The following FARP2 variants were observed in gnomAD, a reference collection of about 807,000 sequenced individuals.
FARP2 encodes the protein FERM, ARH/RhoGEF and pleckstrin domain protein 2.
A neutral mutation model predicts 130.5 loss-of-function variants in FARP2; 111 were observed. The ratio of observed to expected loss-of-function variants is 0.85; its 90% CI spans 0.73 to 1.00. The LOEUF (loss-of-function observed/expected upper bound fraction) is 1.00, where lower values mean the gene tolerates loss of function less well. Ranked by LOEUF, FARP2 falls within the 50% of genes least tolerant of loss-of-function variation. FARP2 has a pLI of 0.00. For synonymous variants in FARP2, 504 were observed against 516.9 expected (o/e 0.98, Z 0.34); for missense variants, 1,385 against 1,346.3 (o/e 1.03, Z -0.45).
chr2:241,429,693 G>A (rs2063043673), intron 8 of FARP2, among the ~76,000 whole-genome samples: 1 of 151,338 alleles, frequency 6.6e-6, no homozygotes, highest in African/African-American at 2.4e-5. Context: ...AGACCAGCCT[G>A]GGCAACATAG....
rs1159861406 is a variant in FARP2, at chr2:241,482,682, T to G, written c.2263-783T>G. Among the ~76,000 whole-genome samples the G allele has an allele frequency of 6.6e-6, 1 of 152,120 alleles. No homozygotes were observed. The highest frequency in any genetic ancestry group is 6.5e-5 in the Admixed American group (1 of 15,276). ...TGTGTAGTGTGCTCCTCCTTCTGCC[T>G]TCACGCAGTATGTTGGGACTGCTCA... On this transcript the variant is annotated intron_variant, in intron 19 of 26. Transcript: ENST00000264042. This position sits in a 1 kb window ranked among gnomAD's most constrained non-coding sequence, Gnocchi z 4.6.
intron 7 of FARP2, among the ~76,000 whole-genome samples, chr2:241,414,685 G>A (rs574558680): frequency 1.3e-5 from 2 of 152,290 alleles, no homozygotes; most frequent in African/African-American, 2.4e-5. Context: ...AGTGCCTTTT[G>A]TGTGCCCGAC....
intron 24 of FARP2, among the ~76,000 whole-genome samples, chr2:241,492,007 C>T (rs906357015): frequency 5.3e-5 from 8 of 152,212 alleles, no homozygotes; most frequent in Admixed American, 2.0e-4. Context: ...GCCTCCAAAA[C>T]CCTTCACCTC....
Position 241,484,230 on chromosome 2 carries a change from G to C in FARP2, c.2332-12G>C. The C allele has an allele frequency of 6.2e-7, 1 of 1,614,048 alleles. No individual in the cohort carries two copies. Among genetic ancestry groups the C allele is most frequent in the Non-Finnish European group, 8.5e-7 (1 of 1,179,918 alleles). ...TGTGAAGTTCATGGATGTAAAGCTT[G>C]CTGCTTCTCAGTTCTCAGATATGTT... On this transcript the variant is annotated splice_polypyrimidine_tract_variant and intron_variant, in intron 20 of 26. Transcript: ENST00000264042.
chr2:241,456,128 C>T lies in FARP2; in HGVS notation c.1412-619C>T, dbSNP rs534052595. ...GCTGCAAATTTGGCACCTATTTATT[C>T]GAAAACAAACATGGTTTTAAGAAGG... On this transcript the variant is annotated intron_variant, in intron 13 of 26. Coordinates refer to ENST00000264042, the MANE Select transcript of FARP2 (RefSeq NM_014808.4). Among the ~76,000 whole-genome samples the T allele has an allele frequency of 1.1e-4, 16 of 151,838 alleles. No homozygotes were observed. The South Asian group carries it at 1.2e-3, about 12-fold the overall frequency.
chr2:241,357,778 A>G (rs1271785255), intron 1 of FARP2, among the ~76,000 whole-genome samples: 2 of 152,240 alleles, frequency 1.3e-5, no homozygotes, highest in African/African-American at 4.8e-5. Context: ...TTATTTACCT[A>G]TAGGACTATC....
rs11397989 is a variant in FARP2, at chr2:241,428,234, CTTTTTT to C, written c.772-3432_772-3427del. 3.2e-5 allele frequency among the ~76,000 whole-genome samples: 4 copies of C among 124,954 alleles called. No homozygotes were observed. In the South Asian group the frequency reaches 7.5e-4, roughly 23 times the overall value. The allele number at this position is 124,954 out of a possible 152,430, so 82.0% of individuals were successfully genotyped here. On this transcript the variant is annotated intron_variant, in intron 8 of 26. Coordinates refer to ENST00000264042, the MANE Select transcript of FARP2 (RefSeq NM_014808.4). ...TAGTTGAAAATCCTCCAATATTTTA[CTTTTTT>C]TTTTTTTTTTTTGAGACGGAGTCTC...
Position 241,411,163 on chromosome 2 carries a change from C to T in FARP2, c.508+33C>T, listed in dbSNP as rs759401958. On this transcript the variant is annotated intron_variant, in intron 6 of 26. Transcript: ENST00000264042. The stretch of plus-strand genomic sequence containing the variant: ...TCTCCCCGCCAGCGGGGAGCATTCA[C>T]TGACCATGGCACAGATATACCCGCA... 3 of 1,451,486 alleles carry T rather than the reference C, an allele frequency of 2.1e-6. No homozygotes were observed. The East Asian group carries it at 6.9e-5, about 33-fold the overall frequency. The allele number at this position is 1,451,486 out of a possible 1,614,324, so 89.9% of individuals were successfully genotyped here. A position where few individuals can be genotyped will look rare whatever the true frequency, so the allele number is the denominator to read the frequency against.
intron 2 of FARP2, among the ~76,000 whole-genome samples, chr2:241,391,070 T>G (rs2061893168): frequency 2.6e-5 from 4 of 152,172 alleles, no homozygotes; most frequent in Non-Finnish European, 5.9e-5. Flanking sequence ...TTTTGTGAGT[T>G]TTCACAAGTA....
rs1485068156 is a variant in FARP2, at chr2:241,468,362, T to C, written c.2116T>C (p.Tyr706His). The C allele has an allele frequency of 1.9e-6, 3 of 1,611,328 alleles. No individual in the cohort carries two copies. The Admixed American group carries it at 5.0e-5, about 27-fold the overall frequency. ...ACATTACAGCCCCGGGCACCATGAC[T>C]ACGCTGACTGCCATGGTGAGTGTGG... ...CGHYSPGHHD[Y>H]ADCHDALKAI... The change falls in exon 18 of 27, where the codon TAC becomes CAC. Residue 706 changes from tyrosine to histidine, a missense_variant. Physicochemically the swap from Tyr to His is moderately conservative, Grantham distance 83. Transcript: ENST00000264042.
intron 1 of FARP2, chr2:241,372,451 C>G (rs2061445447): frequency 6.6e-6 from 1 of 152,218 alleles, no homozygotes; most frequent in Non-Finnish European, 1.5e-5. Context: ...TCGCGGGTTA[C>G]AAAGCTGGCA....
intron 2 of FARP2, among the ~76,000 whole-genome samples, chr2:241,397,269 G>A (rs1364260955): frequency 6.6e-6 from 1 of 152,026 alleles, no homozygotes; most frequent in Non-Finnish European, 1.5e-5. Flanking sequence ...CACCAGCATG[G>A]CACATGTATA....
At position 241,491,527 on chromosome 2, in the gene FARP2, G is replaced by A. The variant is rs778764437; in HGVS notation, c.2635G>A (p.Glu879Lys). 15 of 1,613,380 alleles carry A rather than the reference G, an allele frequency of 9.3e-6. No individual in the cohort carries two copies. Among genetic ancestry groups the A allele is most frequent in the East Asian group, 6.7e-5 (3 of 44,896 alleles). ...TGACTTCTCCCCAGGATCCCCCAAC[G>A]AGGTATCTCTGGAGCAGGAGTCAGA... Reference protein sequence around the residue: ...VCTRPPRSPNEVSLEQESEDD... With the variant: ...VCTRPPRSPNKVSLEQESEDD... The change falls in exon 24 of 27, where the codon GAG becomes AAG. Residue 879 changes from glutamate (E) to lysine (K), a missense_variant. Transcript: ENST00000264042.
At chr2:241,377,401 G>A (rs575937297) in intron 2 of FARP2, among the ~76,000 whole-genome samples, 28 of 151,558 alleles carry the variant, frequency 1.8e-4, no homozygotes, top group South Asian at 2.1e-4. Flanking sequence ...GACTGCAGTG[G>A]CGCAATCTCG....
rs377557008 is a variant in FARP2, at chr2:241,423,911, T to C, written c.771+5802T>C. 5.9e-5 allele frequency among the ~76,000 whole-genome samples: 9 copies of C among 152,280 alleles called. No individual in the cohort carries two copies. In the East Asian group the frequency reaches 1.7e-3, roughly 29 times the overall value. On this transcript the variant is annotated intron_variant, in intron 8 of 26. Transcript: ENST00000264042. Reference sequence around the variant, plus strand: ...AGGGTTCAACAAGAAGAGCTAATTATCCTAAATATATATGCACCCAATACA... The same window carrying C: ...AGGGTTCAACAAGAAGAGCTAATTACCCTAAATATATATGCACCCAATACA...
At position 241,491,138 on chromosome 2, in the gene FARP2, C is replaced by A. The variant is rs768290561; in HGVS notation, c.2582C>A (p.Ala861Asp). The change falls in exon 23 of 27, where the codon GCC (alanine) becomes GAC (aspartate). Residue 861 changes from alanine to aspartate, a missense_variant. Coordinates refer to ENST00000264042, the MANE Select transcript of FARP2 (RefSeq NM_014808.4). ...GCAGCCAAGAGTGGCGGTGACACGGCCCCTGCACTGCCAGGCCGCACTGTG... is the reference window on the plus strand; with the variant it reads ...GCAGCCAAGAGTGGCGGTGACACGGACCCTGCACTGCCAGGCCGCACTGTG... ...IQAAKSGGDTAPALPGRTVCT... is the reference protein window; with the variant it reads ...IQAAKSGGDTDPALPGRTVCT... 6.8e-6 allele frequency: 11 copies of A among 1,613,166 alleles called. No individual in the cohort carries two copies. The highest frequency in any genetic ancestry group is 8.5e-6 in the Non-Finnish European group (10 of 1,179,898).
chr2:241,409,321 G>C (rs766221049), intron 5 of FARP2, among the ~76,000 whole-genome samples: 1 of 152,132 alleles, frequency 6.6e-6, no homozygotes, highest in South Asian at 2.1e-4. Flanking sequence ...ACGCCAAGGT[G>C]GGGGGATCAG....
chr2:241,407,544 G>T lies in FARP2; in HGVS notation c.339G>T (p.Lys113Asn), dbSNP rs139318378. 6.2e-7 allele frequency: 1 copy of T among 1,613,810 alleles called. No homozygotes were observed. Among genetic ancestry groups the T allele is most frequent in the Non-Finnish European group, 8.5e-7 (1 of 1,179,688 alleles). The change falls in exon 5 of 27, where the codon AAG becomes AAT. Residue 113 changes from lysine (K) to asparagine (N), a missense_variant. Lys to Asn is a moderately conservative substitution (Grantham distance 94). Transcript: ENST00000264042. ...TAAATTTTTTTGTTATAGGGCCAAAGAATGTGGTGCTTCGCCTAGCTGTAA... is the reference window on the plus strand; with the variant it reads ...TAAATTTTTTTGTTATAGGGCCAAATAATGTGGTGCTTCGCCTAGCTGTAA... The part of the protein sequence containing the change: ...KPIIRQIRRP[K>N]NVVLRLAVKF...
At position 241,431,748 on chromosome 2, in the gene FARP2, C is replaced by G. The variant is rs1651612455; in HGVS notation, c.841C>G (p.Leu281Val). 4.5e-6 allele frequency: 7 copies of G among 1,563,562 alleles called. No homozygotes were observed. The African/African-American group carries it at 9.5e-5, about 21-fold the overall frequency. The change falls in exon 9 of 27, where the codon CTT becomes GTT. Residue 281 changes from leucine to valine, a missense_variant. Physicochemically the swap from Leu to Val is conservative, Grantham distance 32. Transcript: ENST00000264042. ...ACTAAGCTTCAAGAGGAAAAGATTT[C>G]TTATCAAACTTCATCCAGAGGTTCA... is the stretch of plus-strand genomic sequence containing the variant. ...RKLSFKRKRFLIKLHPEVHGP... is the reference protein window; with the variant it reads ...RKLSFKRKRFVIKLHPEVHGP...
Sources: gnomAD v4.1 joint callset for allele counts (sites outside exome capture counted in the v4.1 genomes callset) on GRCh38, gnomAD v4.1.1 for gene constraint, Gnocchi (gnomAD v3.1) non-coding constraint, MANE v1.5 for transcripts, NCBI Gene and HGNC (gene_info 2026-07-23, HGNC 2026-07-21) for gene names.